The following TRAPPC9 variants were observed in gnomAD, a reference collection of about 807,000 sequenced individuals.
The protein encoded by TRAPPC9 is IKK2 binding protein.
In TRAPPC9, 83 loss-of-function variants were observed where a neutral mutation model predicts 124.0. That is an observed-to-expected ratio of 0.67 (90% CI 0.56 to 0.80). The LOEUF (loss-of-function observed/expected upper bound fraction) is 0.80, where lower values mean the gene tolerates loss of function less well. Ranked by LOEUF, TRAPPC9 falls within the 30% of genes least tolerant of loss-of-function variation. TRAPPC9 has a pLI of 0.00. For synonymous variants in TRAPPC9, 638 were observed against 617.5 expected (o/e 1.03, Z -0.49); for missense variants, 1,302 against 1,508.3 (o/e 0.86, Z 2.27).
At chr8:139,835,038 TG>T (rs1235349538) in intron 21 of TRAPPC9, among the ~76,000 whole-genome samples, 4 of 152,250 alleles carry the variant, frequency 2.6e-5, no homozygotes, top group Admixed American at 1.3e-4. Flanking sequence ...ATTTCAAAGG[TG>T]AAAGTGCCCC....
intron 9 of TRAPPC9, among the ~76,000 whole-genome samples, chr8:140,335,084 T>G (rs1358774237): frequency 1.3e-5 from 2 of 152,086 alleles, no homozygotes; most frequent in Non-Finnish European, 2.9e-5. Flanking sequence ...TTGAGAAAGA[T>G]GGTTTGAATC....
chr8:139,811,646 G>C (rs1441360249), intron 21 of TRAPPC9, among the ~76,000 whole-genome samples: 1 of 152,208 alleles, frequency 6.6e-6, no homozygotes, highest in Admixed American at 6.5e-5. Context: ...GGTGGAGGGA[G>C]CTTGTTTTTT....
At chr8:140,012,049 A>T (rs1464560959) in intron 18 of TRAPPC9, among the ~76,000 whole-genome samples, 1 of 152,194 alleles carries the variant, frequency 6.6e-6, no homozygotes, top group Non-Finnish European at 1.5e-5. Context: ...TGACCTCATG[A>T]TCTGCCCGCC....
chr8:140,067,740 T>G (rs1235076801), intron 17 of TRAPPC9, among the ~76,000 whole-genome samples: 2 of 152,194 alleles, frequency 1.3e-5, no homozygotes, highest in East Asian at 3.9e-4. Context: ...AAGAGTCTTA[T>G]TTTCTTTCTC....
intron 4 of TRAPPC9, 21 bp from the exon 5 acceptor site, chr8:140,426,662 T>G (rs1353736237): frequency 6.2e-7 from 1 of 1,612,572 alleles, no homozygotes. Flanking sequence ...GAACAGATTA[T>G]GGTATTTTAT....
At chr8:140,271,590 C>T (rs1183294950) in intron 15 of TRAPPC9, among the ~76,000 whole-genome samples, 1 of 152,138 alleles carries the variant, frequency 6.6e-6, no homozygotes, top group Admixed American at 6.5e-5. Flanking sequence ...GAAAAAAGGG[C>T]AAAGTCCTCA....
chr8:140,328,824 G>T (rs116147173), intron 9 of TRAPPC9, among the ~76,000 whole-genome samples: 1,901 of 152,242 alleles, frequency 0.012, 38 homozygotes, highest in African/African-American at 0.044. Flanking sequence ...TTACGAATTA[G>T]GGTGAAAGGA....
At chr8:140,142,888 C>A (rs1197285531) in intron 17 of TRAPPC9, among the ~76,000 whole-genome samples, 2 of 118,188 alleles carry the variant, frequency 1.7e-5, no homozygotes, top group African/African-American at 6.7e-5. Context: ...AAGAAAAATG[C>A]CTCGCACCTG....
At chr8:140,395,714 T>C (rs938242401) in intron 7 of TRAPPC9, among the ~76,000 whole-genome samples, 1 of 152,224 alleles carries the variant, frequency 6.6e-6, no homozygotes, top group Admixed American at 6.5e-5. Flanking sequence ...CATACTTCTT[T>C]GTGTGTTCAA....
intron 1 of TRAPPC9, chr8:140,456,753 T>C: frequency 1.0e-6 from 1 of 982,348 alleles, no homozygotes; most frequent in Non-Finnish European, 1.2e-6. Context: ...AGTCACCAGT[T>C]TAAACTGGGG....
At chr8:139,871,560 T>C (rs1011307189) in intron 21 of TRAPPC9, among the ~76,000 whole-genome samples, 4 of 152,124 alleles carry the variant, frequency 2.6e-5, no homozygotes, top group Admixed American at 1.3e-4. Context: ...GGAATCTGAA[T>C]CAAATGATGA....
intron 20 of TRAPPC9, among the ~76,000 whole-genome samples, chr8:139,899,588 T>C (rs1449762895): frequency 6.6e-6 from 1 of 152,134 alleles, no homozygotes; most frequent in African/African-American, 2.4e-5. Flanking sequence ...CACACCTGTG[T>C]TGTTCAAGGG....
At position 140,241,954 on chromosome 8, in the gene TRAPPC9, G is replaced by C. The variant is rs917254962; in HGVS notation, c.2431+10823C>G. ...GGGAGACTCAGGGAAGGATGAGCTCGAGCTCTGCCACCACAGGACATGGAG... is the reference window on the plus strand; with the variant it reads ...GGGAGACTCAGGGAAGGATGAGCTCCAGCTCTGCCACCACAGGACATGGAG... On this transcript the variant is annotated intron_variant, in intron 16 of 22. Transcript: ENST00000438773. This position sits in a 1 kb window ranked among gnomAD's most constrained non-coding sequence, Gnocchi z 5.0. Among the ~76,000 whole-genome samples the C allele has an allele frequency of 6.6e-6, 1 of 152,160 alleles. No homozygotes were observed. The highest frequency in any genetic ancestry group is 1.5e-5 in the Non-Finnish European group (1 of 68,030).
intron 17 of TRAPPC9, among the ~76,000 whole-genome samples, chr8:140,068,113 G>C (rs2129744194): frequency 6.6e-6 from 1 of 152,258 alleles, no homozygotes; most frequent in East Asian, 1.9e-4. Context: ...AGTCTCCTGT[G>C]TCTGAGCTCC....
chr8:139,951,248 C>T (rs995967941), intron 19 of TRAPPC9, among the ~76,000 whole-genome samples: 2 of 152,238 alleles, frequency 1.3e-5, no homozygotes, highest in Non-Finnish European at 2.9e-5. Flanking sequence ...CCGTTCTCTT[C>T]GAAGTGGTCA....
chr8:139,847,734 G>T (rs1418268229), intron 21 of TRAPPC9, among the ~76,000 whole-genome samples: 2 of 151,298 alleles, frequency 1.3e-5, no homozygotes, highest in East Asian at 3.9e-4. Flanking sequence ...CCCCCTGGTG[G>T]CCCAGCCTGC....
At chr8:140,427,370 ATC>A (rs921715039) in intron 4 of TRAPPC9, among the ~76,000 whole-genome samples, 1 of 144,982 alleles carries the variant, frequency 6.9e-6, no homozygotes, top group Non-Finnish European at 1.5e-5. Context: ...CTATATATAT[ATC>A]TCTCTCTCAC....
chr8:140,108,560 C>CCCTCACAGG (rs1423400114), intron 17 of TRAPPC9, among the ~76,000 whole-genome samples: 1 of 152,224 alleles, frequency 6.6e-6, no homozygotes, highest in Non-Finnish European at 1.5e-5. Context: ...TCTACGCCTA[C>CCCTCACAGG]CCTCACAGGC....
chr8:140,336,874 T>A lies in TRAPPC9; in HGVS notation c.1495+23176A>T, dbSNP rs141711645. Among the ~76,000 whole-genome samples the A allele has an allele frequency of 5.4e-3, 823 of 151,138 alleles. 2 individuals are homozygous for A. The highest frequency in any genetic ancestry group is 0.014 in the Middle Eastern group (4 of 294). ...ATTCCACATGTGATAAACTCAAGCA[T>A]TAGAATGAGTCTTCCAGGCGATTAA... On this transcript the variant is annotated intron_variant, in intron 9 of 22. Transcript: ENST00000438773.
Sources: allele counts gnomAD v4.1 joint callset (sites outside exome capture counted in the v4.1 genomes callset), GRCh38; gene constraint gnomAD v4.1.1; non-coding constraint Gnocchi (gnomAD v3.1); transcripts MANE v1.5; gene names NCBI Gene and HGNC (gene_info 2026-07-23, HGNC 2026-07-21).